VIPR2: variants seen among roughly 807,000 people sequenced by gnomAD.
The protein encoded by VIPR2 is vasoactive intestinal peptide receptor 2.
A neutral mutation model predicts 58.0 loss-of-function variants in VIPR2; 48 were observed. The observed-to-expected ratio is 0.83, with a 90% CI of 0.66 to 1.05. The LOEUF (loss-of-function observed/expected upper bound fraction) is 1.05. Among genes scored for constraint, VIPR2 ranks in the 50% least tolerant of loss-of-function variants. The pLI is 0.00. For missense variants in VIPR2, 534 were observed against 558.0 expected (o/e 0.96, Z 0.43); for synonymous variants, 243 against 235.2 (o/e 1.03, Z -0.30).
At chr7:159,075,001 A>G (rs1856567699) in intron 4 of VIPR2, among the ~76,000 whole-genome samples, 1 of 152,188 alleles carries the variant, frequency 6.6e-6, no homozygotes, top group Admixed American at 6.5e-5. Context: ...CTCAATGAAT[A>G]CCTTATTTAG....
intron 5 of VIPR2, among the ~76,000 whole-genome samples, chr7:159,044,453 C>T (rs1854526997): frequency 6.6e-6 from 1 of 151,552 alleles, no homozygotes; most frequent in African/African-American, 2.4e-5. Flanking sequence ...AAAATATGGC[C>T]CATTTACAGG....
intron 2 of VIPR2, among the ~76,000 whole-genome samples, chr7:159,138,820 G>T (rs1797336381): frequency 1.3e-5 from 2 of 152,118 alleles, no homozygotes; most frequent in African/African-American, 2.4e-5. Flanking sequence ...TTTTTGAACA[G>T]AATTTTTCTA....
intron 2 of VIPR2, chr7:159,116,865 C>T (rs1796256916): frequency 6.3e-6 from 1 of 158,496 alleles, no homozygotes; most frequent in South Asian, 1.9e-4. Context: ...ACGCTGCCTT[C>T]TGTCCAGAGA....
intron 2 of VIPR2, among the ~76,000 whole-genome samples, chr7:159,121,916 A>G (rs1220077099): frequency 6.6e-6 from 1 of 152,228 alleles, no homozygotes; most frequent in Non-Finnish European, 1.5e-5. Context: ...GTGGAGAATG[A>G]TTAGAATTGG....
At chr7:159,045,508 G>A (rs1037619347) in intron 5 of VIPR2, among the ~76,000 whole-genome samples, 1 of 152,180 alleles carries the variant, frequency 6.6e-6, no homozygotes, top group African/African-American at 2.4e-5. Context: ...ATGGTGCTGT[G>A]ACAACTAGAT....
intron 4 of VIPR2, among the ~76,000 whole-genome samples, chr7:159,083,513 C>T (rs1184498683): frequency 3.3e-5 from 5 of 152,170 alleles, no homozygotes; most frequent in Non-Finnish European, 7.3e-5. Flanking sequence ...CTGGAGTGAC[C>T]ATAGCAGAGT....
intron 2 of VIPR2, among the ~76,000 whole-genome samples, chr7:159,138,216 A>G (rs1207747866): frequency 6.6e-6 from 1 of 152,218 alleles, no homozygotes; most frequent in Non-Finnish European, 1.5e-5. Flanking sequence ...CAGTGCCCAC[A>G]TGACGCTGTG....
intron 10 of VIPR2, among the ~76,000 whole-genome samples, chr7:159,033,534 C>T (rs1314414523): frequency 6.6e-6 from 1 of 152,182 alleles, no homozygotes; most frequent in Non-Finnish European, 1.5e-5. Flanking sequence ...CTTTGCATTA[C>T]TTTATAGATT....
rs1236080725 is a variant in VIPR2, at chr7:159,127,113, C to T, written c.151+15333G>A. ...TTAGAATGCTGCAGAGGATACTTTA[C>T]AGCAAGCCGGATTTTCTTCAGATGA... On this transcript the variant is annotated intron_variant, in intron 2 of 12. Coordinates refer to ENST00000262178, the MANE Select transcript of VIPR2 (RefSeq NM_003382.5). This position sits in a 1 kb window ranked among gnomAD's most constrained non-coding sequence, Gnocchi z 4.6. 3.9e-5 allele frequency among the ~76,000 whole-genome samples: 6 copies of T among 152,240 alleles called. No homozygotes were observed. The highest frequency in any genetic ancestry group is 1.4e-4 in the African/African-American group (6 of 41,460).
intron 3 of VIPR2, among the ~76,000 whole-genome samples, chr7:159,104,943 A>G (rs1436612185): frequency 6.6e-6 from 1 of 151,754 alleles, no homozygotes; most frequent in African/African-American, 2.4e-5. Context: ...ACCAACCGTG[A>G]CCCAGTAGGG....
chr7:159,142,369 C>G, intron 2 of VIPR2, 77 bp downstream of exon 2: 25 of 1,119,270 alleles, frequency 2.2e-5, no homozygotes, highest in Non-Finnish European at 3.2e-5. Flanking sequence ...GGTGGTGACC[C>G]TGAACCACAG....
intron 4 of VIPR2, among the ~76,000 whole-genome samples, chr7:159,074,638 A>G (rs1856554008): frequency 6.6e-6 from 1 of 152,242 alleles, no homozygotes; most frequent in African/African-American, 2.4e-5. Context: ...TGCAACGTGA[A>G]TAGACTAAGA....
Position 159,128,217 on chromosome 7 carries a change from C to T in VIPR2, c.151+14229G>A, listed in dbSNP as rs927749467. On this transcript the variant is annotated intron_variant, in intron 2 of 12. Transcript: ENST00000262178. This position sits in a 1 kb window ranked among gnomAD's most constrained non-coding sequence, Gnocchi z 4.1. ...CTGTGCCCAGGGTCCACAGAACGGC[C>T]GGCCATGGTGTGGAACAGCTGCTGG... Among the ~76,000 whole-genome samples the T allele has an allele frequency of 9.2e-5, 14 of 152,118 alleles. No homozygotes were observed. Among genetic ancestry groups the T allele is most frequent in the African/African-American group, 2.9e-4 (12 of 41,410 alleles).
At chr7:159,143,930 G>A (rs113554567) in intron 1 of VIPR2, among the ~76,000 whole-genome samples, 162 of 152,360 alleles carry the variant, frequency 1.1e-3, no homozygotes, top group African/African-American at 3.4e-3. Context: ...GAGCCCCGCT[G>A]CAGACCGGGC....
At chr7:159,122,571 CTG>C (rs987978767) in intron 2 of VIPR2, among the ~76,000 whole-genome samples, 1 of 152,216 alleles carries the variant, frequency 6.6e-6, no homozygotes. Context: ...TGCTGGCTGA[CTG>C]TGTTTCTGAG....
chr7:159,101,649 C>G (rs56323727), intron 4 of VIPR2, among the ~76,000 whole-genome samples: 38 of 90,258 alleles, frequency 4.2e-4, no homozygotes, highest in South Asian at 7.4e-4. Flanking sequence ...CCGACGAGGC[C>G]GTTCCCCCGA....
intron 2 of VIPR2, among the ~76,000 whole-genome samples, chr7:159,135,031 AAC>A (rs1797155499): frequency 1.8e-4 from 19 of 105,244 alleles, no homozygotes; most frequent in East Asian, 5.6e-4. Context: ...TTTTTTTTTT[AAC>A]ATTTTAAGTA....
intron 5 of VIPR2, among the ~76,000 whole-genome samples, chr7:159,047,732 G>A (rs1054538411): frequency 2.0e-5 from 3 of 152,076 alleles, no homozygotes; most frequent in Non-Finnish European, 2.9e-5. Flanking sequence ...GCTTTGAATC[G>A]CTGAGCGTTT....
rs945230650 is a variant in VIPR2, at chr7:159,096,637, C to G, written c.357+7120G>C. 2.0e-5 allele frequency among the ~76,000 whole-genome samples: 3 copies of G among 152,236 alleles called. No individual in the cohort carries two copies. The highest frequency in any genetic ancestry group is 4.4e-5 in the Non-Finnish European group (3 of 68,050). Reference sequence around the variant, plus strand: ...CGTATCTCCTTTGGCCCTGAAAAGACTCATCCATTTATTTGGAAAGTATTA... The same window carrying G: ...CGTATCTCCTTTGGCCCTGAAAAGAGTCATCCATTTATTTGGAAAGTATTA... On this transcript the variant is annotated intron_variant, in intron 4 of 12. Transcript: ENST00000262178. The surrounding 1 kb of genome is among the most constrained non-coding windows in gnomAD (Gnocchi z 5.5).
Sources: gnomAD v4.1 joint callset for allele counts (sites outside exome capture counted in the v4.1 genomes callset) on GRCh38, gnomAD v4.1.1 for gene constraint, Gnocchi (gnomAD v3.1) non-coding constraint, MANE v1.5 for transcripts, NCBI Gene and HGNC (gene_info 2026-07-23, HGNC 2026-07-21) for gene names.